Variants in HTR7 observed in about 807,000 individuals in gnomAD.
The protein encoded by HTR7 is 5-hydroxytryptamine receptor 7.
A neutral mutation model predicts 34.0 loss-of-function variants in HTR7; 16 were observed. The ratio of observed to expected loss-of-function variants is 0.47; its 90% CI spans 0.32 to 0.71. The LOEUF is 0.71. HTR7 is among the 30% of genes least tolerant of loss of function. The pLI is 0.04. For missense variants in HTR7, 504 were observed against 625.5 expected (o/e 0.81, Z 2.07); for synonymous variants, 265 against 260.2 (o/e 1.02, Z -0.18).
intron 1 of HTR7, among the ~76,000 whole-genome samples, chr10:90,752,486 A>G (rs1016138139): frequency 2.6e-5 from 4 of 152,120 alleles, no homozygotes; most frequent in Admixed American, 6.6e-5. Flanking sequence ...CCCTCAATCT[A>G]TAAATACCAT....
chr10:90,744,695 T>G lies in HTR7; in HGVS notation c.1296-1005A>C, dbSNP rs575564249. Among the ~76,000 whole-genome samples the G allele has an allele frequency of 1.2e-4, 18 of 152,078 alleles. 1 individual carries two copies. The highest frequency in any genetic ancestry group is 4.3e-4 in the African/African-American group (18 of 41,480). On this transcript the variant is annotated intron_variant, in intron 2 of 3. Transcript: ENST00000336152. ...CAGACTTGTGACAACCAAAAATCCC[T>G]CCAGAAATGGCCAAATGGCTACAGA...
intron 1 of HTR7, among the ~76,000 whole-genome samples, chr10:90,792,367 T>C (rs1413120516): frequency 2.6e-5 from 4 of 152,092 alleles, no homozygotes; most frequent in African/African-American, 4.8e-5. Context: ...GGGGTTTTTT[T>C]GTTTTGTTTT....
At chr10:90,742,809 A>G (rs1348607410) in intron 3 of HTR7, among the ~76,000 whole-genome samples, 4 of 152,216 alleles carry the variant, frequency 2.6e-5, no homozygotes, top group South Asian at 2.1e-4. Context: ...ATAGCAAAAA[A>G]TGACTTTGCT....
intron 1 of HTR7, among the ~76,000 whole-genome samples, chr10:90,778,631 T>A (rs1219882484): frequency 6.6e-6 from 1 of 152,188 alleles, no homozygotes; most frequent in Non-Finnish European, 1.5e-5. Flanking sequence ...AAACGAAAAG[T>A]CCCACTGCTA....
intron 1 of HTR7, among the ~76,000 whole-genome samples, chr10:90,763,506 T>A (rs1480609596): frequency 1.3e-5 from 2 of 152,218 alleles, no homozygotes; most frequent in Non-Finnish European, 2.9e-5. Flanking sequence ...CATGAAGGTT[T>A]GTTACATACG....
rs762961827 is a variant in HTR7 at position 90,857,528 on chromosome 10, C to A, written c.144G>T (p.Leu48=). 7 of 1,608,352 alleles carry A rather than the reference C, an allele frequency of 4.4e-6. No homozygotes were observed. The South Asian group carries it at 6.6e-5, about 15-fold the overall frequency. The change falls in exon 1 of 4, where the codon CTG becomes CTT. Residue 48 remains leucine (L), a synonymous_variant. Coordinates refer to ENST00000336152, the MANE Select transcript of HTR7 (RefSeq NM_019859.4). The surrounding 1 kb of genome is among the most constrained non-coding windows in gnomAD (Gnocchi z 6.5). ...CCGGGCTGGCTGTCACCTCGCTCAG[C>A]AGGTGCGGCGCCCAGGAGCCCGCGA... The part of the protein sequence containing the change: ...DPVAGSWAPH[L]LSEVTASPAP...
chr10:90,857,751 A>C lies in HTR7; in HGVS notation c.-80T>G. 1 of 1,334,400 alleles carries C rather than the reference A, an allele frequency of 7.5e-7. No homozygotes were observed. Among genetic ancestry groups the C allele is most frequent in the Non-Finnish European group, 9.6e-7 (1 of 1,036,722 alleles). 82.7% of individuals were successfully genotyped at this position (1,334,400 alleles called of 1,614,324 possible). On this transcript the variant is annotated 5_prime_UTR_variant, in exon 1 of 4. Transcript: ENST00000336152. The surrounding 1 kb of genome is among the most constrained non-coding windows in gnomAD (Gnocchi z 6.5). Reference sequence around the variant, plus strand: ...GCTGCCGGCCCCGGGGCTTCACCTCACCGGTTCCGCTCCGCCCGGCCCAGC... The same window carrying C: ...GCTGCCGGCCCCGGGGCTTCACCTCCCCGGTTCCGCTCCGCCCGGCCCAGC...
At chr10:90,808,677 T>C (rs1474961715) in intron 1 of HTR7, among the ~76,000 whole-genome samples, 2 of 152,146 alleles carry the variant, frequency 1.3e-5, no homozygotes, top group African/African-American at 4.8e-5. Flanking sequence ...ATCTTTTCTC[T>C]GGGCTTGCTT....
chr10:90,820,941 T>C (rs911081937), intron 1 of HTR7, among the ~76,000 whole-genome samples: 1 of 152,170 alleles, frequency 6.6e-6, no homozygotes, highest in East Asian at 1.9e-4. Context: ...AGGAAGGTAT[T>C]ATCAACCCAG....
At chr10:90,805,070 A>G (rs1573935) in intron 1 of HTR7, among the ~76,000 whole-genome samples, 77,056 of 152,024 alleles carry the variant, frequency 0.51, 19,860 homozygotes, top group African/African-American at 0.63. Flanking sequence ...TAGCTTTTGC[A>G]GGGTACCAGA....
Position 90,742,188 on chromosome 10 carries a change from T to C in HTR7, c.*294A>G, listed in dbSNP as rs951321327. 16 of 246,284 alleles carry C rather than the reference T, an allele frequency of 6.5e-5. No homozygotes were observed. Among genetic ancestry groups the C allele is most frequent in the Non-Finnish European group, 3.9e-5 (5 of 128,008 alleles). The allele number at this position is 246,284 out of a possible 1,614,324, so 15.3% of individuals were successfully genotyped here. ...TCCCACTTGCATGGATTTGGACATA[T>C]GCAAAGCACCAGAAACTGCTTCCTT... On this transcript the variant is annotated 3_prime_UTR_variant, in exon 4 of 4. Coordinates refer to ENST00000336152, the MANE Select transcript of HTR7 (RefSeq NM_019859.4).
chr10:90,817,003 C>G (rs567369466), intron 1 of HTR7, among the ~76,000 whole-genome samples: 1 of 152,194 alleles, frequency 6.6e-6, no homozygotes, highest in Admixed American at 6.5e-5. Context: ...TTTTTTGGCT[C>G]TATGTCTCTT....
intron 1 of HTR7, among the ~76,000 whole-genome samples, chr10:90,815,154 C>CT (rs1380450211): frequency 6.7e-6 from 1 of 150,222 alleles, no homozygotes; most frequent in Non-Finnish European, 1.5e-5. Context: ...TGCGGTGGTG[C>CT]GATCTCGGCT....
chr10:90,803,544 C>T (rs1845661003), intron 1 of HTR7, among the ~76,000 whole-genome samples: 1 of 152,184 alleles, frequency 6.6e-6, no homozygotes, highest in African/African-American at 2.4e-5. Context: ...TATCAGGAAG[C>T]TGCTGATCAC....
At chr10:90,825,137 T>C (rs1300978118) in intron 1 of HTR7, among the ~76,000 whole-genome samples, 1 of 152,158 alleles carries the variant, frequency 6.6e-6, no homozygotes, top group Non-Finnish European at 1.5e-5. Context: ...GAAGCTCCAT[T>C]TGTTTAGGAG....
At chr10:90,844,137 G>A (rs936768119) in intron 1 of HTR7, among the ~76,000 whole-genome samples, 3 of 152,170 alleles carry the variant, frequency 2.0e-5, no homozygotes, top group Admixed American at 6.5e-5. Flanking sequence ...ATTGGCAGAG[G>A]CCAGATCATA....
At chr10:90,831,592 G>C (rs1476492659) in intron 1 of HTR7, among the ~76,000 whole-genome samples, 2 of 152,186 alleles carry the variant, frequency 1.3e-5, no homozygotes, top group East Asian at 3.8e-4. Context: ...CTGCTGGCTC[G>C]CGCAGCCTGC....
intron 1 of HTR7, among the ~76,000 whole-genome samples, chr10:90,832,390 C>T: frequency 6.6e-6 from 1 of 152,216 alleles, no homozygotes; most frequent in East Asian, 1.9e-4. Context: ...TGCTGGGGGA[C>T]CCGGCACACC....
chr10:90,804,724 G>A (rs1845678175), intron 1 of HTR7, among the ~76,000 whole-genome samples: 1 of 152,168 alleles, frequency 6.6e-6, no homozygotes, highest in Admixed American at 6.5e-5. Context: ...TTCATTAAAA[G>A]CTGATATCTA....
Sources: allele counts gnomAD v4.1 joint callset (sites outside exome capture counted in the v4.1 genomes callset), GRCh38; gene constraint gnomAD v4.1.1; non-coding constraint Gnocchi (gnomAD v3.1); transcripts MANE v1.5; gene names NCBI Gene and HGNC (gene_info 2026-07-23, HGNC 2026-07-21).